Variants in VPS53 observed in about 807,000 individuals in gnomAD.
VPS53 encodes VPS53 subunit of GARP complex, also known as vacuolar protein sorting-associated protein 53 homolog.
Under a neutral mutation model 107.0 loss-of-function variants are expected in VPS53, and 70 were observed. The ratio of observed to expected loss-of-function variants is 0.65; its 90% CI spans 0.54 to 0.80. The LOEUF (loss-of-function observed/expected upper bound fraction) is 0.80. Ranked by LOEUF, VPS53 falls within the 30% of genes least tolerant of loss-of-function variation. The pLI is 0.00. For missense variants in VPS53, 917 were observed against 1,049.4 expected (o/e 0.87, Z 1.74); for synonymous variants, 409 against 393.3 (o/e 1.04, Z -0.47).
chr17:634,664 C>A (rs1346785208), intron 7 of VPS53, among the ~76,000 whole-genome samples: 1 of 150,862 alleles, frequency 6.6e-6, no homozygotes, highest in Non-Finnish European at 1.5e-5. Context: ...TTTGTCCTTG[C>A]AATAGTTTGC....
At chr17:624,109 C>T (rs972693515) in intron 10 of VPS53, among the ~76,000 whole-genome samples, 74 of 151,902 alleles carry the variant, frequency 4.9e-4, no homozygotes, top group African/African-American at 1.5e-3. Flanking sequence ...CCGCCCACCT[C>T]GGCCTCCCAA....
At chr17:679,027 C>T (rs1390355090) in intron 4 of VPS53, among the ~76,000 whole-genome samples, 2 of 152,002 alleles carry the variant, frequency 1.3e-5, no homozygotes, top group East Asian at 1.9e-4. Flanking sequence ...TCTTACATAA[C>T]AAGAAGTAGA....
chr17:642,455 T>TGAGGACAACACTCATACTTGGAAACC (rs1567700581), intron 7 of VPS53, among the ~76,000 whole-genome samples: 11 of 91,028 alleles, frequency 1.2e-4, no homozygotes, highest in Admixed American at 5.6e-4. Context: ...ACTTGGCAAC[T>TGAGGACAACACTCATACTTGGAAACC]GAGGACAACA....
intron 11 of VPS53, among the ~76,000 whole-genome samples, chr17:610,887 G>A (rs571370460): frequency 1.4e-5 from 2 of 147,750 alleles, no homozygotes; most frequent in East Asian, 4.1e-4. Context: ...GCAGTGAGCC[G>A]AGATCTCACC....
intron 13 of VPS53, among the ~76,000 whole-genome samples, chr17:585,993 G>T (rs1311877298): frequency 6.6e-6 from 1 of 152,142 alleles, no homozygotes; most frequent in Non-Finnish European, 1.5e-5. Flanking sequence ...TTTGTGGGCT[G>T]ATATATGTCA....
rs765635536 is a variant in VPS53, at chr17:562,566, G to C, written c.1493C>G (p.Thr498Ser). 3.1e-6 allele frequency: 5 copies of C among 1,613,988 alleles called. No individual in the cohort carries two copies. The highest frequency in any genetic ancestry group is 2.2e-5 in the East Asian group (1 of 44,868). The change falls in exon 14 of 22, where the codon ACC (threonine) becomes AGC (serine). Residue 498 changes from threonine to serine, a missense_variant. By Grantham distance (58) the Thr-to-Ser change is moderately conservative. Transcript: ENST00000437048. ...LSTGEPMIAL[T>S]TIFQKYLREY... Reference sequence around the variant, plus strand: ...TCGGAGGTACTTCTGGAAAATGGTGGTCAGGGCGATCATGGGCTCCCCAGT... The same window carrying C: ...TCGGAGGTACTTCTGGAAAATGGTGCTCAGGGCGATCATGGGCTCCCCAGT...
intron 5 of VPS53, among the ~76,000 whole-genome samples, chr17:656,453 A>G (rs1316758770): frequency 6.6e-6 from 1 of 152,234 alleles, no homozygotes; most frequent in Non-Finnish European, 1.5e-5. Flanking sequence ...TCTGTAACAT[A>G]CGCTTAACAT....
chr17:682,752 GA>G (rs891392012), intron 4 of VPS53, among the ~76,000 whole-genome samples: 3 of 150,994 alleles, frequency 2.0e-5, no homozygotes, highest in Admixed American at 6.6e-5. Context: ...CGCCAAAAAA[GA>G]AAAAAAAGAA....
rs1369251862 is a variant in VPS53 at position 671,950 on chromosome 17, AT to A, written c.286-10056del. 1.3e-5 allele frequency among the ~76,000 whole-genome samples: 2 copies of A among 151,922 alleles called. 1 individual carries two copies. The highest frequency in any genetic ancestry group is 2.9e-5 in the Non-Finnish European group (2 of 67,982). ...GACCCGCTTACCTCGGCCTCCCAACATGCTGGGATTACAGGCGTGAGCCACC... is the reference window on the plus strand; with the variant it reads ...GACCCGCTTACCTCGGCCTCCCAACAGCTGGGATTACAGGCGTGAGCCACC... On this transcript the variant is annotated intron_variant, in intron 4 of 21. Coordinates refer to ENST00000437048, the MANE Select transcript of VPS53 (RefSeq NM_001128159.3).
intron 4 of VPS53, among the ~76,000 whole-genome samples, chr17:681,821 A>G (rs1972404643): frequency 6.6e-6 from 1 of 152,186 alleles, no homozygotes; most frequent in African/African-American, 2.4e-5. Flanking sequence ...GTGTCCTCAC[A>G]TGGGGAAAGG....
intron 10 of VPS53, 149 bp downstream of exon 10, chr17:627,025 G>C: frequency 9.7e-7 from 1 of 1,031,208 alleles, no homozygotes; most frequent in Non-Finnish European, 1.3e-6. Context: ...AGCTGGTGGG[G>C]CCACTGTGGG....
chr17:549,651 A>T (rs190547861), intron 17 of VPS53, among the ~76,000 whole-genome samples: 1 of 152,222 alleles, frequency 6.6e-6, no homozygotes, highest in East Asian at 1.9e-4. Flanking sequence ...TTCCGATCTG[A>T]AGTGTGTGGC....
intron 5 of VPS53, among the ~76,000 whole-genome samples, chr17:659,226 CTG>C (rs1971344933): frequency 6.6e-6 from 1 of 152,162 alleles, no homozygotes; most frequent in Non-Finnish European, 1.5e-5. Flanking sequence ...AAAAAAATCT[CTG>C]TATCTCTTCC....
At chr17:672,305 G>A (rs56214309) in intron 4 of VPS53, among the ~76,000 whole-genome samples, 9,139 of 151,868 alleles carry the variant, frequency 0.06, 546 homozygotes, top group East Asian at 0.3. Flanking sequence ...TTCTTCAAAC[G>A]AGACACAACA....
chr17:644,046 CTCT>C (rs1970579723), intron 7 of VPS53, among the ~76,000 whole-genome samples: 2 of 152,194 alleles, frequency 1.3e-5, no homozygotes, highest in Admixed American at 6.5e-5. Flanking sequence ...GAATGTAAGG[CTCT>C]TCCATTCTTC....
chr17:561,714 C>T (rs1245739137), intron 14 of VPS53, among the ~76,000 whole-genome samples: 1 of 152,212 alleles, frequency 6.6e-6, no homozygotes, highest in Non-Finnish European at 1.5e-5. Flanking sequence ...AGCGCAACCT[C>T]CGCCTCCCGG....
chr17:671,223 G>A (rs1277754049), intron 4 of VPS53, among the ~76,000 whole-genome samples: 3 of 64,344 alleles, frequency 4.7e-5, no homozygotes, highest in African/African-American at 1.8e-4. Context: ...AGAGTGAGAC[G>A]GAGAAAGAAA....
chr17:654,748 A>G (rs12939023), intron 6 of VPS53, among the ~76,000 whole-genome samples: 6 of 148,530 alleles, frequency 4.0e-5, no homozygotes, highest in Non-Finnish European at 9.0e-5. Context: ...AAAAAAAAAA[A>G]AAAAAAGAAA....
rs542282885 is a variant in VPS53, at chr17:695,601, G to A, written c.285+1817C>T. ...GTCTCACTCTGTTTCCCAGGCTGGAGTGCAGTGGCGCGATGATGGCTTACT... is the reference window on the plus strand; with the variant it reads ...GTCTCACTCTGTTTCCCAGGCTGGAATGCAGTGGCGCGATGATGGCTTACT... On this transcript the variant is annotated intron_variant, in intron 4 of 21. Transcript: ENST00000437048. Among the ~76,000 whole-genome samples the A allele has an allele frequency of 2.0e-5, 3 of 152,106 alleles. No homozygotes were observed. The South Asian group carries it at 6.2e-4, about 32-fold the overall frequency.
Sources: allele counts gnomAD v4.1 joint callset (sites outside exome capture counted in the v4.1 genomes callset), GRCh38; gene constraint gnomAD v4.1.1; transcripts MANE v1.5; gene names NCBI Gene and HGNC (gene_info 2026-07-23, HGNC 2026-07-21).